The following IGSF11 variants were observed in gnomAD, a reference collection of about 807,000 sequenced individuals.
IGSF11 encodes the protein CXADR like 1.
Under a neutral mutation model 41.0 loss-of-function variants are expected in IGSF11, and 22 were observed. The ratio of observed to expected loss-of-function variants is 0.54; its 90% CI spans 0.38 to 0.77. IGSF11 has a LOEUF of 0.77. Among genes scored for constraint, IGSF11 ranks in the 30% least tolerant of loss-of-function variants. IGSF11 has a pLI of 0.00. For missense variants in IGSF11, 444 were observed against 530.8 expected, an observed-to-expected ratio of 0.84 and a Z score of 1.61; for synonymous variants, 219 against 201.3, an observed-to-expected ratio of 1.09 and a Z score of -0.74.
intron 1 of IGSF11, among the ~76,000 whole-genome samples, chr3:119,044,111 A>G (rs1160132654): frequency 1.3e-5 from 2 of 152,234 alleles, no homozygotes; most frequent in Non-Finnish European, 2.9e-5. Flanking sequence ...TAAGCTACTC[A>G]AGGAGGCACA....
Position 118,909,682 on chromosome 3 carries a change from C to T in IGSF11, c.581-3964G>A, listed in dbSNP as rs1940037872. 2.6e-5 allele frequency among the ~76,000 whole-genome samples: 4 copies of T among 152,248 alleles called. No individual in the cohort carries two copies. In the South Asian group the frequency reaches 8.3e-4, roughly 31 times the overall value. On this transcript the variant is annotated intron_variant, in intron 4 of 6. Transcript: ENST00000393775. ...GGATGTTAGGATACATCCTGCTTCACAGCAGCTCAGTGCCTTTAGACAATG... is the reference window on the plus strand; with the variant it reads ...GGATGTTAGGATACATCCTGCTTCATAGCAGCTCAGTGCCTTTAGACAATG...
chr3:119,034,384 G>C, intron 1 of IGSF11, 147 bp downstream of exon 1: 2 of 785,802 alleles, frequency 2.5e-6, no homozygotes, highest in Non-Finnish European at 3.7e-6. Flanking sequence ...GCGAGCCTCG[G>C]CCGCAGCAAC....
intron 1 of IGSF11, among the ~76,000 whole-genome samples, chr3:119,017,039 C>CAAAAAA (rs60190891): frequency 3.4e-5 from 3 of 88,310 alleles, no homozygotes; most frequent in Admixed American, 1.1e-4. Flanking sequence ...GGACGCAGGA[C>CAAAAAA]AAAAAAAAAA....
chr3:118,983,340 G>T (rs1308549146), intron 1 of IGSF11: 1 of 152,122 alleles, frequency 6.6e-6, no homozygotes, highest in Admixed American at 6.6e-5. Context: ...GTGTAAGTGG[G>T]CTAGCTGAGA....
At chr3:119,102,140 A>G (rs1478888579) in intron 1 of IGSF11, among the ~76,000 whole-genome samples, 1 of 152,148 alleles carries the variant, frequency 6.6e-6, no homozygotes, top group African/African-American at 2.4e-5. Context: ...TCCACATTTA[A>G]TCATACTGGT....
chr3:119,032,232 T>G (rs764424002), intron 1 of IGSF11, among the ~76,000 whole-genome samples: 1 of 152,194 alleles, frequency 6.6e-6, no homozygotes, highest in African/African-American at 2.4e-5. Flanking sequence ...CTTTACCCCT[T>G]TGTAATGGAA....
At chr3:119,046,078 T>G (rs374828755) in intron 1 of IGSF11, among the ~76,000 whole-genome samples, 19 of 151,236 alleles carry the variant, frequency 1.3e-4, no homozygotes, top group African/African-American at 3.7e-4. Context: ...ACTCTAAAAA[T>G]CAGAGCGCCT....
At chr3:119,025,804 T>C (rs902154784) in intron 1 of IGSF11, among the ~76,000 whole-genome samples, 1 of 151,962 alleles carries the variant, frequency 6.6e-6, no homozygotes, top group Admixed American at 6.5e-5. Context: ...TCTATACAAA[T>C]GTATAGGGTA....
At chr3:118,994,044 T>C (rs552382573) in intron 1 of IGSF11, among the ~76,000 whole-genome samples, 1 of 152,364 alleles carries the variant, frequency 6.6e-6, no homozygotes, top group East Asian at 1.9e-4. Flanking sequence ...AAAATAGTTT[T>C]GCATTGTGCC....
At chr3:119,138,307 T>C (rs1023026110) in intron 1 of IGSF11, among the ~76,000 whole-genome samples, 2 of 152,190 alleles carry the variant, frequency 1.3e-5, no homozygotes, top group Non-Finnish European at 2.9e-5. Flanking sequence ...AGCCAATATT[T>C]GGAAGCAACC....
intron 1 of IGSF11, among the ~76,000 whole-genome samples, chr3:119,087,403 T>TACACAC (rs1349971935): frequency 1.8e-5 from 2 of 113,762 alleles, no homozygotes; most frequent in African/African-American, 6.4e-5. Context: ...CACACACACA[T>TACACAC]ACACACACAC....
chr3:119,077,635 C>T (rs1012504581), intron 1 of IGSF11, among the ~76,000 whole-genome samples: 1 of 152,098 alleles, frequency 6.6e-6, no homozygotes, highest in Non-Finnish European at 1.5e-5. Context: ...AGAATGCCTA[C>T]TCTCAACTCT....
At chr3:119,107,974 T>C (rs1173404064), upstream of IGSF11, among the ~76,000 whole-genome samples, 4 of 151,168 alleles carry the variant, frequency 2.6e-5, no homozygotes, top group East Asian at 7.8e-4. Flanking sequence ...AGTACCATGC[T>C]GTTTTGGTTA....
chr3:118,974,352 T>C (rs911568295), intron 1 of IGSF11, among the ~76,000 whole-genome samples: 4 of 152,156 alleles, frequency 2.6e-5, no homozygotes, highest in African/African-American at 7.2e-5. Flanking sequence ...AATCTTTACC[T>C]GAGAAAGATC....
intron 1 of IGSF11, among the ~76,000 whole-genome samples, chr3:118,955,971 T>C (rs1354439614): frequency 6.6e-6 from 1 of 152,192 alleles, no homozygotes; most frequent in African/African-American, 2.4e-5. Context: ...TATATGTACC[T>C]TCATCAATGA....
intron 1 of IGSF11, among the ~76,000 whole-genome samples, chr3:118,998,684 A>G (rs546929826): frequency 5.3e-5 from 8 of 152,172 alleles, no homozygotes; most frequent in Non-Finnish European, 1.2e-4. Flanking sequence ...AGAAAATACA[A>G]GACTTTCAAC....
intron 1 of IGSF11, among the ~76,000 whole-genome samples, chr3:119,040,235 C>T (rs1158328824): frequency 3.9e-5 from 6 of 152,098 alleles, no homozygotes; most frequent in Non-Finnish European, 8.8e-5. Flanking sequence ...GATCTTGTGG[C>T]CCCCTCCCAG....
At chr3:119,062,885 C>T (rs946085695) in intron 1 of IGSF11, among the ~76,000 whole-genome samples, 1 of 152,100 alleles carries the variant, frequency 6.6e-6, no homozygotes, top group African/African-American at 2.4e-5. Context: ...AACCCTCTAA[C>T]TTCATTCACC....
intron 1 of IGSF11, among the ~76,000 whole-genome samples, chr3:119,022,569 A>C (rs1439353707): frequency 6.6e-6 from 1 of 152,238 alleles, no homozygotes; most frequent in East Asian, 1.9e-4. Flanking sequence ...ACTTGAATAG[A>C]AAATTTGTAA....
Sources: gnomAD v4.1 joint callset for allele counts (sites outside exome capture counted in the v4.1 genomes callset) on GRCh38, gnomAD v4.1.1 for gene constraint, MANE v1.5 for transcripts, NCBI Gene and HGNC (gene_info 2026-07-23, HGNC 2026-07-21) for gene names.